PKHD1L1: variants seen among roughly 807,000 people sequenced by gnomAD.
The protein encoded by PKHD1L1 is fibrocystin-L.
Under a neutral mutation model 462.9 loss-of-function variants are expected in PKHD1L1, and 434 were observed. The observed-to-expected ratio is 0.94, with a 90% confidence interval of 0.87 to 1.02. The LOEUF (loss-of-function observed/expected upper bound fraction) is 1.02. Among genes scored for constraint, PKHD1L1 ranks in the 50% least tolerant of loss-of-function variants. The pLI is 0.00. For missense variants in PKHD1L1, 5,202 were observed against 5,096.1 expected (o/e 1.02, Z -0.63); for synonymous variants, 1,781 against 1,750.0 (o/e 1.02, Z -0.44).
intron 10 of PKHD1L1, 81 bp downstream of exon 10, chr8:109,394,566 A>G: frequency 1.1e-6 from 1 of 893,020 alleles, no homozygotes; most frequent in South Asian, 2.8e-5. Context: ...AAAGACAATG[A>G]GTGTAAGGTG....
chr8:109,480,963 T>G (rs1194791647), intron 55 of PKHD1L1, among the ~76,000 whole-genome samples: 2 of 151,936 alleles, frequency 1.3e-5, no homozygotes, highest in African/African-American at 4.8e-5. Flanking sequence ...ATAATACTAA[T>G]TCATGAATTT....
intron 50 of PKHD1L1, among the ~76,000 whole-genome samples, chr8:109,472,659 C>T (rs1817782603): frequency 6.6e-6 from 1 of 151,998 alleles, no homozygotes; most frequent in Non-Finnish European, 1.5e-5. Context: ...TTGCAATACT[C>T]AGACCACATT....
rs1176359978 is a variant in PKHD1L1, at chr8:109,485,044, G to T, written c.9577G>T (p.Glu3193Ter). ...AATTTGGCACTTGAATTTTTCTAAGGAGGGAGAAGAGATTGTGATAACAAC... is the reference window on the plus strand; with the variant it reads ...AATTTGGCACTTGAATTTTTCTAAGTAGGGAGAAGAGATTGTGATAACAAC... ...LSLMDAVDWQ[E>*]GEEIVITTTS... The change falls in exon 58 of 78, where the codon GAG becomes TAG. Residue 3193 changes from glutamate (E) to a stop codon, truncating the protein, a stop_gained and splice_region_variant. Coordinates refer to ENST00000378402, the MANE Select transcript of PKHD1L1 (RefSeq NM_177531.6). LOFTEE classifies it high-confidence loss of function. 1.3e-6 allele frequency: 2 copies of T among 1,576,730 alleles called. No individual in the cohort carries two copies. Among genetic ancestry groups the T allele is most frequent in the South Asian group, 2.4e-5 (2 of 82,100 alleles).
At position 109,526,988 on chromosome 8, in the gene PKHD1L1, T is replaced by C. The variant is rs1820850703; in HGVS notation, c.12689T>C (p.Met4230Thr). 1 of 1,613,230 alleles carries C rather than the reference T, an allele frequency of 6.2e-7. No individual in the cohort carries two copies. The highest frequency in any genetic ancestry group is 8.5e-7 in the Non-Finnish European group (1 of 1,179,344). Residue 4230 changes from methionine (M) to threonine (T), a missense_variant, in exon 77 of 78, where the codon ATG becomes ACG. By Grantham distance (81) the Met-to-Thr change is moderately conservative. Coordinates refer to ENST00000378402, the MANE Select transcript of PKHD1L1 (RefSeq NM_177531.6). ...VGRMWLLEIF[M>T]AAVSTLNITL... ...AGAATGTGGCTCTTGGAAATATTTATGGCTGCAGTTTCAACTTTGAATATA... is the reference window on the plus strand; with the variant it reads ...AGAATGTGGCTCTTGGAAATATTTACGGCTGCAGTTTCAACTTTGAATATA...
At chr8:109,483,875 A>C (rs1325022069) in intron 57 of PKHD1L1, among the ~76,000 whole-genome samples, 1 of 151,874 alleles carries the variant, frequency 6.6e-6, no homozygotes, top group Non-Finnish European at 1.5e-5. Context: ...TTAATAAAGT[A>C]TAAATGGTAG....
chr8:109,364,384 A>C lies in PKHD1L1; in HGVS notation c.74-163A>C, dbSNP rs571869032. On this transcript the variant is annotated intron_variant, in intron 1 of 77. Coordinates refer to ENST00000378402, the MANE Select transcript of PKHD1L1 (RefSeq NM_177531.6). ...ATTAACTAAGTTAATGACTCTGTCA[A>C]GTCATTGGCAGAGCCAAAAATAAAA... 3.7e-4 allele frequency among the ~76,000 whole-genome samples: 57 copies of C among 152,374 alleles called. 2 individuals carry two copies. In the South Asian group the frequency reaches 0.012, roughly 32 times the overall value.
intron 4 of PKHD1L1, among the ~76,000 whole-genome samples, chr8:109,382,943 G>A (rs1464643795): frequency 3.4e-4 from 51 of 148,190 alleles, no homozygotes. Context: ...AAATGTGCCT[G>A]CATGTGGTGT....
intron 10 of PKHD1L1, among the ~76,000 whole-genome samples, chr8:109,394,902 G>A (rs1245280602): frequency 1.3e-5 from 2 of 152,198 alleles, no homozygotes; most frequent in African/African-American, 2.4e-5. Flanking sequence ...CACTGAATGT[G>A]TATTAGCTTA....
chr8:109,483,206 T>A, intron 57 of PKHD1L1, 101 bp downstream of exon 57: 1 of 789,280 alleles, frequency 1.3e-6, no homozygotes. Flanking sequence ...CTCATGTGAT[T>A]AACCAGATGA....
At chr8:109,454,989 C>G in intron 45 of PKHD1L1, 137 bp downstream of exon 45, 2 of 1,150,764 alleles carry the variant, frequency 1.7e-6, no homozygotes, top group South Asian at 4.1e-5. Context: ...TTAGATATCC[C>G]CTCTTTACCC....
Position 109,496,965 on chromosome 8 carries a change from A to C in PKHD1L1, c.10374A>C (p.Gly3458=). The C allele has an allele frequency of 6.2e-7, 1 of 1,613,476 alleles. No homozygotes were observed. Among genetic ancestry groups the C allele is most frequent in the Non-Finnish European group, 8.5e-7 (1 of 1,179,466 alleles). ...AGTGGTTTGACAATGAAGCCCATGGAGGTTTATATGGGATCTATATGAACC... is the reference window on the plus strand; with the variant it reads ...AGTGGTTTGACAATGAAGCCCATGGCGGTTTATATGGGATCTATATGAACC... ...VEKWFDNEAH[G]GLYGIYMNQD... is the part of the protein sequence containing the mutation. Residue 3458 remains glycine (G), a synonymous_variant, in exon 64 of 78, where the codon GGA becomes GGC. Transcript: ENST00000378402.
At chr8:109,434,883 G>GC (rs1815313150) in intron 28 of PKHD1L1, among the ~76,000 whole-genome samples, 1 of 150,486 alleles carries the variant, frequency 6.6e-6, no homozygotes, top group South Asian at 2.1e-4. Flanking sequence ...TTATAAACTA[G>GC]TTTTTTTTTT....
chr8:109,419,550 C>CTT (rs61562857), intron 22 of PKHD1L1, among the ~76,000 whole-genome samples: 3,425 of 152,078 alleles, frequency 0.023, 126 homozygotes, highest in African/African-American at 0.076. Flanking sequence ...TTTCTTTTTG[C>CTT]TTTGTTTTAT....
Position 109,477,365 on chromosome 8 carries a change from C to T in PKHD1L1, c.9058C>T (p.Pro3020Ser). ...TCCTGTACATCCGCCATCAAGAAAA[C>T]CAATTCCCAAGAAGCGACCAGCCAC... Reference protein sequence around the residue: ...CFPVHPPSRKPIPKKRPATYN... With the variant: ...CFPVHPPSRKSIPKKRPATYN... The change falls in exon 53 of 78, where the codon CCA (proline) becomes TCA (serine). Residue 3020 changes from proline (P) to serine (S), a missense_variant. By Grantham distance (74) the Pro-to-Ser change is moderately conservative. Transcript: ENST00000378402. The T allele has an allele frequency of 6.2e-7, 1 of 1,613,382 alleles. No homozygotes were observed.
chr8:109,399,348 A>G (rs1033136467), intron 12 of PKHD1L1, among the ~76,000 whole-genome samples: 2 of 152,026 alleles, frequency 1.3e-5, no homozygotes, highest in Non-Finnish European at 2.9e-5. Flanking sequence ...GGTAGCCATT[A>G]TTTTCCACAT....
At position 109,400,178 on chromosome 8, in the gene PKHD1L1, G is replaced by T. The variant is rs541138987; in HGVS notation, c.1115G>T (p.Ser372Ile). 2.5e-6 allele frequency: 4 copies of T among 1,613,750 alleles called. No homozygotes were observed. In the Admixed American group the frequency reaches 5.0e-5, roughly 20 times the overall value. The change falls in exon 13 of 78, where the codon AGT becomes ATT. Residue 372 changes from serine to isoleucine, a missense_variant. By Grantham distance (142) the Ser-to-Ile change is moderately radical (BLOSUM62 -2). This residue lies in a region of PKHD1L1 where 4,497 missense variants were observed against 4,336.8 expected (regional missense o/e 1.04). Coordinates refer to ENST00000378402, the MANE Select transcript of PKHD1L1 (RefSeq NM_177531.6). ...AAAACGCCTGGGTACATGGGTGCCA[G>T]TTGGGTAGATTCAGCTTCCTATATT... The part of the protein sequence containing the change: ...NEKTPGYMGA[S>I]WVDSASYIWL...
intron 73 of PKHD1L1, among the ~76,000 whole-genome samples, chr8:109,519,464 G>T (rs1030428429): frequency 6.6e-6 from 1 of 152,052 alleles, no homozygotes; most frequent in African/African-American, 2.4e-5. Flanking sequence ...CATCTTCTCT[G>T]CTCTACATAT....
intron 28 of PKHD1L1, 89 bp downstream of exon 28, chr8:109,433,305 G>GTACAATTATCATGATCCAGTAT: frequency 9.1e-7 from 1 of 1,100,014 alleles, no homozygotes; most frequent in South Asian, 1.4e-5. Flanking sequence ...TCTTGATCGT[G>GTACAATTATCATGATCCAGTAT]TACAATTATC....
chr8:109,495,143 T>C (rs1819024181), intron 63 of PKHD1L1, among the ~76,000 whole-genome samples: 1 of 152,046 alleles, frequency 6.6e-6, no homozygotes, highest in Non-Finnish European at 1.5e-5. Flanking sequence ...GGTTTTATTC[T>C]TGTGCAAAAT....
Sources: gnomAD v4.1 joint callset for allele counts (sites outside exome capture counted in the v4.1 genomes callset) on GRCh38, gnomAD v4.1.1 for gene constraint, gnomAD v4.1.1 regional missense constraint, MANE v1.5 for transcripts, NCBI Gene and HGNC (gene_info 2026-07-23, HGNC 2026-07-21) for gene names.